Variants in CSMD1 observed in about 807,000 individuals in gnomAD.
The protein encoded by CSMD1 is CUB and Sushi multiple domains 1, also known as CUB and sushi domain-containing protein 1.
A neutral mutation model predicts 417.5 loss-of-function variants in CSMD1; 213 were observed. The ratio of observed to expected loss-of-function variants is 0.51; its 90% CI spans 0.46 to 0.57. CSMD1 has a LOEUF of 0.57. CSMD1 is among the 20% of genes least tolerant of loss of function. CSMD1 has a pLI of 0.00. For synonymous variants in CSMD1, 2,862 were observed against 1,736.8 expected (o/e 1.65, Z -16.11); for missense variants, 6,923 against 4,529.7 (o/e 1.53, Z -15.17).
intron 3 of CSMD1, among the ~76,000 whole-genome samples, chr8:4,095,297 A>G (rs527369549): frequency 6.6e-6 from 1 of 152,342 alleles, no homozygotes; most frequent in Admixed American, 6.5e-5. Flanking sequence ...TTTAATATCA[A>G]TTCTGTTATT....
chr8:3,900,201 G>A (rs1021311110), intron 5 of CSMD1, among the ~76,000 whole-genome samples: 5 of 151,674 alleles, frequency 3.3e-5, no homozygotes, highest in African/African-American at 4.8e-5. Flanking sequence ...AGTGCAGCTG[G>A]GTGACAGTGG....
At chr8:3,408,375 T>A in intron 13 of CSMD1, 150 bp from the exon 14 acceptor site, 1 of 630,456 alleles carries the variant, frequency 1.6e-6, no homozygotes, top group Non-Finnish European at 2.7e-6. Context: ...TTCTGGACCA[T>A]AATGTTTTCT....
At chr8:3,478,883 C>G (rs1314702682) in intron 11 of CSMD1, among the ~76,000 whole-genome samples, 1 of 152,140 alleles carries the variant, frequency 6.6e-6, no homozygotes, top group African/African-American at 2.4e-5. Context: ...GGCCCTTCGT[C>G]CCAGTAGGTG....
intron 3 of CSMD1, among the ~76,000 whole-genome samples, chr8:4,152,769 AAT>A (rs1421394690): frequency 6.6e-6 from 1 of 152,108 alleles, no homozygotes; most frequent in African/African-American, 2.4e-5. Flanking sequence ...CATATAATCA[AAT>A]ATATATGCAT....
intron 7 of CSMD1, among the ~76,000 whole-genome samples, chr8:3,706,119 T>A (rs1232160866): frequency 6.6e-6 from 1 of 152,240 alleles, no homozygotes. Context: ...GTTCGCCCCG[T>A]GTGGTTCACT....
At chr8:3,195,196 C>G (rs1796637761) in intron 33 of CSMD1, among the ~76,000 whole-genome samples, 2 of 152,200 alleles carry the variant, frequency 1.3e-5, no homozygotes, top group East Asian at 1.9e-4. Context: ...GAGGTACTCT[C>G]CAACATGAAG....
intron 65 of CSMD1, among the ~76,000 whole-genome samples, chr8:2,953,830 C>T (rs1423679763): frequency 6.6e-6 from 1 of 152,204 alleles, no homozygotes; most frequent in Non-Finnish European, 1.5e-5. Flanking sequence ...TTTACATTAA[C>T]AACTTATGCT....
intron 3 of CSMD1, among the ~76,000 whole-genome samples, chr8:4,354,644 C>T (rs535504498): frequency 6.6e-6 from 1 of 152,166 alleles, no homozygotes; most frequent in African/African-American, 2.4e-5. Flanking sequence ...AAAATAAACA[C>T]ATGAACATCT....
chr8:3,860,242 T>G (rs1488033341), intron 5 of CSMD1, among the ~76,000 whole-genome samples: 1 of 152,182 alleles, frequency 6.6e-6, no homozygotes, highest in Non-Finnish European at 1.5e-5. Context: ...CTGCCTACTC[T>G]GTTTCAGTCA....
chr8:4,018,498 G>T (rs1177098499), intron 4 of CSMD1, among the ~76,000 whole-genome samples: 2 of 152,184 alleles, frequency 1.3e-5, no homozygotes, highest in Non-Finnish European at 2.9e-5. Context: ...GGAGGAAGGG[G>T]AGGCAGCCAA....
chr8:4,993,269 C>T (rs1187167774), intron 1 of CSMD1, among the ~76,000 whole-genome samples: 1 of 152,140 alleles, frequency 6.6e-6, no homozygotes, highest in Non-Finnish European at 1.5e-5. Flanking sequence ...TTTGTAGATA[C>T]AGATACTCCC....
At chr8:4,076,826 T>C (rs1274195509) in intron 3 of CSMD1, among the ~76,000 whole-genome samples, 1 of 152,164 alleles carries the variant, frequency 6.6e-6, no homozygotes, top group African/African-American at 2.4e-5. Context: ...GCCATGCCTT[T>C]GCTTTAACTG....
At chr8:3,071,736 C>G (rs1225078762) in intron 49 of CSMD1, among the ~76,000 whole-genome samples, 1 of 152,168 alleles carries the variant, frequency 6.6e-6, no homozygotes, top group Non-Finnish European at 1.5e-5. Flanking sequence ...CACTAATTCA[C>G]CTGACATCAA....
chr8:4,164,878 A>T (rs1563209877), intron 3 of CSMD1, among the ~76,000 whole-genome samples: 1 of 83,390 alleles, frequency 1.2e-5, no homozygotes, highest in African/African-American at 5.7e-5. Context: ...CTCCATCTCA[A>T]AGAAAAAAAA....
intron 3 of CSMD1, among the ~76,000 whole-genome samples, chr8:4,098,186 G>A (rs929004648): frequency 2.0e-5 from 3 of 152,076 alleles, no homozygotes; most frequent in Non-Finnish European, 4.4e-5. Context: ...TTAGAATAAA[G>A]CTAATTTCAA....
chr8:3,672,716 G>C (rs980715043), intron 7 of CSMD1, among the ~76,000 whole-genome samples: 10 of 152,168 alleles, frequency 6.6e-5, no homozygotes, highest in African/African-American at 2.4e-4. Context: ...GTGGTGGTTT[G>C]AAATTGGCCA....
intron 5 of CSMD1, among the ~76,000 whole-genome samples, chr8:3,882,797 G>A (rs1806292318): frequency 6.6e-6 from 1 of 152,194 alleles, no homozygotes; most frequent in Non-Finnish European, 1.5e-5. Context: ...AATCTACAGT[G>A]TCATTTACAG....
Position 4,050,188 on chromosome 8 carries a change from T to C in CSMD1, c.416-18089A>G, listed in dbSNP as rs73183981. ...ATCAGTGGGACTTCCACTCTGGATG[T>C]TGACTTGATCACTTGGCTAGGGTCG... On this transcript the variant is annotated intron_variant, in intron 3 of 69. Coordinates refer to ENST00000635120, the MANE Select transcript of CSMD1 (RefSeq NM_033225.6). Among the ~76,000 whole-genome samples, 1,489 of 152,232 alleles carry C rather than the reference T, an allele frequency of 9.8e-3. 13 individuals are homozygous for C. Among genetic ancestry groups the C allele is most frequent in the South Asian group, 0.044 (212 of 4,816 alleles).
At chr8:4,126,770 A>T (rs1437988328) in intron 3 of CSMD1, among the ~76,000 whole-genome samples, 1 of 152,172 alleles carries the variant, frequency 6.6e-6, no homozygotes, top group African/African-American at 2.4e-5. Context: ...CTCTTTTCTC[A>T]TAGAAACAGG....
Sources: gnomAD v4.1 joint callset for allele counts (sites outside exome capture counted in the v4.1 genomes callset) on GRCh38, gnomAD v4.1.1 for gene constraint, MANE v1.5 for transcripts, NCBI Gene and HGNC (gene_info 2026-07-23, HGNC 2026-07-21) for gene names.